LRRIQ1: variants seen among roughly 807,000 people sequenced by gnomAD.
The protein encoded by LRRIQ1 is leucine rich repeats and IQ motif containing 1, also known as leucine-rich repeat- and IQ domain-containing protein 1.
In LRRIQ1, 210 loss-of-function variants were observed where a neutral mutation model predicts 211.9. That is an observed-to-expected ratio of 0.99 (90% CI 0.89 to 1.11). The LOEUF (loss-of-function observed/expected upper bound fraction) is 1.11, where lower values mean the gene tolerates loss of function less well. Ranked by LOEUF, LRRIQ1 falls within the 50% of genes most tolerant of loss-of-function variation. The pLI, the probability that LRRIQ1 is intolerant of heterozygous loss-of-function variation, is 0.00. For synonymous variants in LRRIQ1, 699 were observed against 650.1 expected, an observed-to-expected ratio of 1.08 and a Z score of -1.14; for missense variants, 2,136 against 1,939.5, an observed-to-expected ratio of 1.10 and a Z score of -1.90.
chr12:85,206,514 A>C (rs1565903565), intron 24 of LRRIQ1, among the ~76,000 whole-genome samples: 1 of 152,168 alleles, frequency 6.6e-6, no homozygotes, highest in Non-Finnish European at 1.5e-5. Context: ...GGGTACACAC[A>C]CACCCACATG....
chr12:85,245,739 T>G (rs1368891094), downstream of LRRIQ1, among the ~76,000 whole-genome samples: 1 of 150,946 alleles, frequency 6.6e-6, no homozygotes, highest in East Asian at 1.9e-4. Flanking sequence ...AAAGATATTT[T>G]GCTTAATATT....
At chr12:85,121,013 G>A (rs1377814872) in intron 15 of LRRIQ1, among the ~76,000 whole-genome samples, 1 of 151,992 alleles carries the variant, frequency 6.6e-6, no homozygotes, top group African/African-American at 2.4e-5. Context: ...CTGTCACCAG[G>A]CTGGAGAGCA....
At chr12:85,185,117 C>G (rs1892165107) in intron 24 of LRRIQ1, among the ~76,000 whole-genome samples, 1 of 151,868 alleles carries the variant, frequency 6.6e-6, no homozygotes, top group Admixed American at 6.6e-5. Context: ...ATCTCAGATA[C>G]TGTTTTAGAA....
chr12:85,132,917 G>A (rs1179515455), intron 18 of LRRIQ1, among the ~76,000 whole-genome samples: 1 of 152,004 alleles, frequency 6.6e-6, no homozygotes, highest in African/African-American at 2.4e-5. Flanking sequence ...CAATCATAAA[G>A]AGGGCAAAGA....
At chr12:85,193,086 A>G (rs1190295283) in intron 24 of LRRIQ1, among the ~76,000 whole-genome samples, 7 of 119,572 alleles carry the variant, frequency 5.9e-5, no homozygotes, top group African/African-American at 1.9e-4. Context: ...TATTATATAT[A>G]ATTATATATA....
intron 1 of LRRIQ1, among the ~76,000 whole-genome samples, chr12:85,253,759 G>A (rs1425879262): frequency 6.6e-6 from 1 of 151,992 alleles, no homozygotes; most frequent in Admixed American, 6.6e-5. Context: ...CTGTTACCAT[G>A]TATGACTACA....
chr12:85,229,196 T>C (rs1040643693), intron 24 of LRRIQ1, among the ~76,000 whole-genome samples: 1 of 152,190 alleles, frequency 6.6e-6, no homozygotes, highest in Non-Finnish European at 1.5e-5. Context: ...CAGATGTTTT[T>C]ATATTAGAAA....
intron 26 of LRRIQ1, among the ~76,000 whole-genome samples, chr12:85,239,087 C>T (rs191300351): frequency 3.3e-5 from 5 of 152,026 alleles, no homozygotes; most frequent in Admixed American, 3.3e-4. Flanking sequence ...AACTGCAAAA[C>T]ACTGCTTTAA....
chr12:85,201,245 T>C (rs1473281842), intron 24 of LRRIQ1, among the ~76,000 whole-genome samples: 1 of 139,612 alleles, frequency 7.2e-6, no homozygotes, highest in African/African-American at 3.0e-5. Context: ...TTTCTCTTCT[T>C]TTTTTTTTTT....
chr12:85,083,003 GT>G (rs1418408406), intron 11 of LRRIQ1, among the ~76,000 whole-genome samples: 2 of 152,120 alleles, frequency 1.3e-5, no homozygotes, highest in African/African-American at 2.4e-5. Flanking sequence ...CTATGGGAGT[GT>G]CAGCTTGTGT....
intron 19 of LRRIQ1, among the ~76,000 whole-genome samples, chr12:85,143,533 T>A (rs1368477249): frequency 6.6e-6 from 1 of 151,660 alleles, no homozygotes; most frequent in Non-Finnish European, 1.5e-5. Context: ...ATTTTTAAAA[T>A]CATTGCTCAG....
At chr12:85,172,443 C>T (rs904151067) in intron 24 of LRRIQ1, among the ~76,000 whole-genome samples, 1 of 152,156 alleles carries the variant, frequency 6.6e-6, no homozygotes, top group Non-Finnish European at 1.5e-5. Flanking sequence ...TTAAATCTTG[C>T]ATAGACACTC....
chr12:85,076,659 C>T (rs765339141), intron 11 of LRRIQ1: 5 of 378,834 alleles, frequency 1.3e-5, no homozygotes, highest in African/African-American at 6.6e-5. Flanking sequence ...TGTCGTGGCT[C>T]ATAGTGCTTG....
downstream of LRRIQ1, among the ~76,000 whole-genome samples, chr12:85,248,535 A>T (rs1024229056): frequency 1.3e-5 from 2 of 151,602 alleles, no homozygotes; most frequent in Non-Finnish European, 3.0e-5. Flanking sequence ...GATACATTAC[A>T]TTTTCACAGT....
chr12:85,124,419 A>G lies in LRRIQ1; in HGVS notation c.3907A>G (p.Lys1303Glu). The change falls in exon 17 of 27, where the codon AAG becomes GAG. Residue 1303 changes from lysine (K) to glutamate (E), a missense_variant. By Grantham distance (56) the Lys-to-Glu change is moderately conservative (BLOSUM62 1). Coordinates refer to ENST00000393217, the MANE Select transcript of LRRIQ1 (RefSeq NM_001079910.2). Reference sequence around the variant, plus strand: ...AGTATGTCAGAAGAGAGAAGACAGCAAGGCAAGCAGTATTCCCACCATAAG... The same window carrying G: ...AGTATGTCAGAAGAGAGAAGACAGCGAGGCAAGCAGTATTCCCACCATAAG... ...ILVCQKREDSKASSIPTIRIP... is the reference protein window; with the variant it reads ...ILVCQKREDSEASSIPTIRIP... The G allele has an allele frequency of 6.2e-7, 1 of 1,614,070 alleles. No homozygotes were observed. The highest frequency in any genetic ancestry group is 1.1e-5 in the South Asian group (1 of 91,088).
intron 24 of LRRIQ1, among the ~76,000 whole-genome samples, chr12:85,172,387 A>G (rs1322099655): frequency 1.3e-5 from 2 of 152,238 alleles, no homozygotes; most frequent in Non-Finnish European, 2.9e-5. Flanking sequence ...ACTAGGCTAC[A>G]TGAATTAATG....
chr12:85,182,794 T>A (rs1420882113), intron 24 of LRRIQ1, among the ~76,000 whole-genome samples: 1 of 151,934 alleles, frequency 6.6e-6, no homozygotes, highest in Non-Finnish European at 1.5e-5. Context: ...TTGGAAAAAA[T>A]CTGTCATGGG....
chr12:85,215,498 T>G (rs1042166638), intron 24 of LRRIQ1, among the ~76,000 whole-genome samples: 3 of 152,124 alleles, frequency 2.0e-5, no homozygotes, highest in Non-Finnish European at 4.4e-5. Context: ...CTTCTCCCTC[T>G]ACCCACCCTC....
At chr12:85,104,837 G>T (rs1055357073) in intron 14 of LRRIQ1, among the ~76,000 whole-genome samples, 14 of 151,920 alleles carry the variant, frequency 9.2e-5, no homozygotes, top group Admixed American at 4.6e-4. Context: ...AATAGAGTAG[G>T]TGTAACTCTA....
Sources: gnomAD v4.1 joint callset for allele counts (sites outside exome capture counted in the v4.1 genomes callset) on GRCh38, gnomAD v4.1.1 for gene constraint, MANE v1.5 for transcripts, NCBI Gene and HGNC (gene_info 2026-07-23, HGNC 2026-07-21) for gene names.